Variants in FAT3 observed in about 807,000 individuals in gnomAD.
The protein encoded by FAT3 is protocadherin Fat 3.
In FAT3, 95 loss-of-function variants were observed where a neutral mutation model predicts 310.2. The observed-to-expected ratio is 0.31, with a 90% CI of 0.26 to 0.36. FAT3 has a LOEUF of 0.36. Among genes scored for constraint, FAT3 ranks in the 10% least tolerant of loss-of-function variants. FAT3 has a pLI of 1.00. For synonymous variants in FAT3, 2,314 were observed against 2,192.9 expected, an observed-to-expected ratio of 1.06 and a Z score of -1.54; for missense variants, 5,408 against 5,715.6, an observed-to-expected ratio of 0.95 and a Z score of 1.74.
At chr11:92,688,936 C>A (rs771313386) in intron 3 of FAT3, among the ~76,000 whole-genome samples, 24 of 152,112 alleles carry the variant, frequency 1.6e-4, no homozygotes, top group Non-Finnish European at 3.1e-4. Context: ...TGTTTTAGAA[C>A]TTTTGCTGCC....
At chr11:92,231,859 A>G (rs1864197055) in intron 1 of FAT3, among the ~76,000 whole-genome samples, 1 of 152,042 alleles carries the variant, frequency 6.6e-6, no homozygotes, top group Admixed American at 6.6e-5. Flanking sequence ...TTTTCTTTCA[A>G]AGCAAAATGA....
intron 22 of FAT3, among the ~76,000 whole-genome samples, chr11:92,870,918 A>G (rs528889121): frequency 6.6e-5 from 10 of 152,274 alleles, no homozygotes; most frequent in African/African-American, 2.4e-4. Context: ...GGTCAATACT[A>G]TTCTTCTCTC....
chr11:92,844,853 G>A (rs1291453100), intron 19 of FAT3, 121 bp downstream of exon 19: 3 of 1,211,200 alleles, frequency 2.5e-6, no homozygotes, highest in African/African-American at 1.5e-5. Flanking sequence ...ATCAATTACT[G>A]TGTGCCCAAA....
At chr11:92,445,748 G>A (rs1164042215) in intron 2 of FAT3, among the ~76,000 whole-genome samples, 1 of 152,074 alleles carries the variant, frequency 6.6e-6, no homozygotes, top group Admixed American at 6.6e-5. Flanking sequence ...TTTTGGGGGG[G>A]TGCAGGGGAG....
chr11:92,798,112 C>T lies in FAT3; in HGVS notation c.5099C>T (p.Thr1700Ile), dbSNP rs775780659. The T allele has an allele frequency of 1.2e-6, 2 of 1,613,894 alleles. No homozygotes were observed. Among genetic ancestry groups the T allele is most frequent in the South Asian group, 2.2e-5 (2 of 91,080 alleles). The change falls in exon 10 of 28, where the codon ACC becomes ATC. Residue 1700 changes from threonine to isoleucine, a missense_variant. Coordinates refer to ENST00000525166, the MANE Select transcript of FAT3 (RefSeq NM_001367949.2). ...CTAATCTCTGCCATCAGTCAATCTA[C>T]CCTCATTTATGAAGTCAAAGATGGA... ...VILISAISQS[T>I]LIYEVKDGDI...
At chr11:92,788,335 T>C (rs1265312681) in intron 7 of FAT3, among the ~76,000 whole-genome samples, 1 of 152,136 alleles carries the variant, frequency 6.6e-6, no homozygotes, top group East Asian at 1.9e-4. Context: ...GAGTTCATAA[T>C]AATGGTTAAA....
chr11:92,594,241 G>A (rs1038371322), intron 3 of FAT3, among the ~76,000 whole-genome samples: 8 of 152,268 alleles, frequency 5.3e-5, no homozygotes, highest in Middle Eastern at 3.4e-3. Flanking sequence ...TCAGGAGTTC[G>A]AGAGCAGCCT....
intron 3 of FAT3, among the ~76,000 whole-genome samples, chr11:92,680,571 G>A (rs763602020): frequency 3.9e-5 from 6 of 152,084 alleles, no homozygotes; most frequent in Admixed American, 6.6e-5. Flanking sequence ...TTTTTGCTTA[G>A]GATTGCTTTA....
chr11:92,600,286 G>T (rs1939951204), intron 3 of FAT3, among the ~76,000 whole-genome samples: 1 of 152,162 alleles, frequency 6.6e-6, no homozygotes, highest in Non-Finnish European at 1.5e-5. Context: ...GGCCCAGTCA[G>T]CCTTTCCTCT....
At chr11:92,764,647 A>T (rs553070742) in intron 5 of FAT3, among the ~76,000 whole-genome samples, 1 of 152,284 alleles carries the variant, frequency 6.6e-6, no homozygotes, top group East Asian at 1.9e-4. Flanking sequence ...CAATATCTGT[A>T]AAGTTGACTG....
In FAT3 at chr11:92,892,356, A is replaced by G. The variant is rs569334040; in HGVS notation, c.*1243A>G. 9 of 151,416 alleles carry G rather than the reference A, an allele frequency of 5.9e-5. No homozygotes were observed. Among genetic ancestry groups the G allele is most frequent in the African/African-American group, 2.2e-4 (9 of 41,266 alleles). The allele number at this position is 151,416 out of a possible 1,614,324, so 9.4% of individuals were successfully genotyped here. ...GTGTTAGAGAAACATCAAATGCCAT[A>G]TTTTACTCTGGTTCAGTTAACTTTA... On this transcript the variant is annotated 3_prime_UTR_variant, in exon 28 of 28. Coordinates refer to ENST00000525166, the MANE Select transcript of FAT3 (RefSeq NM_001367949.2).
At chr11:92,548,586 T>C (rs1031129001) in intron 3 of FAT3, among the ~76,000 whole-genome samples, 3 of 152,232 alleles carry the variant, frequency 2.0e-5, no homozygotes, top group South Asian at 2.1e-4. Flanking sequence ...AGGGCACTTA[T>C]AACAATTTTC....
chr11:92,238,148 G>A (rs998193781), intron 1 of FAT3, among the ~76,000 whole-genome samples: 6 of 152,140 alleles, frequency 3.9e-5, no homozygotes, highest in Non-Finnish European at 8.8e-5. Flanking sequence ...GGGAAAGGAG[G>A]AGGGTTTCAT....
At chr11:92,431,967 G>T (rs548685780) in intron 2 of FAT3, among the ~76,000 whole-genome samples, 1 of 152,280 alleles carries the variant, frequency 6.6e-6, no homozygotes, top group African/African-American at 2.4e-5. Flanking sequence ...ACTTAGGATT[G>T]ACTTGGCAAT....
intron 1 of FAT3, among the ~76,000 whole-genome samples, chr11:92,334,549 G>C (rs1315140739): frequency 6.7e-6 from 1 of 148,904 alleles, no homozygotes; most frequent in African/African-American, 2.6e-5. Flanking sequence ...CTATTGCCTA[G>C]GGTTTTTTTT....
At chr11:92,804,255 A>G (rs1947441932) in intron 10 of FAT3, among the ~76,000 whole-genome samples, 1 of 151,932 alleles carries the variant, frequency 6.6e-6, no homozygotes, top group Admixed American at 6.6e-5. Flanking sequence ...TGAATGCCCA[A>G]ATAAATGAAA....
intron 9 of FAT3, among the ~76,000 whole-genome samples, chr11:92,793,846 G>C (rs971681825): frequency 6.6e-6 from 1 of 151,994 alleles, no homozygotes; most frequent in East Asian, 1.9e-4. Context: ...TAAATGTAGA[G>C]CATTTTTGAG....
intron 1 of FAT3, among the ~76,000 whole-genome samples, chr11:92,301,955 C>T (rs1947008903): frequency 6.6e-6 from 1 of 152,020 alleles, no homozygotes; most frequent in Non-Finnish European, 1.5e-5. Flanking sequence ...ATTCTACTGA[C>T]ATCATACTAA....
chr11:92,687,863 C>T (rs962657769), intron 3 of FAT3, among the ~76,000 whole-genome samples: 10 of 151,904 alleles, frequency 6.6e-5, no homozygotes, highest in African/African-American at 2.4e-4. Flanking sequence ...GAAGGCAGGG[C>T]TTCCTGTCTT....
Sources: allele counts gnomAD v4.1 joint callset (sites outside exome capture counted in the v4.1 genomes callset), GRCh38; gene constraint gnomAD v4.1.1; transcripts MANE v1.5; gene names NCBI Gene and HGNC (gene_info 2026-07-23, HGNC 2026-07-21).